The following KBTBD11 variants were observed in gnomAD, a reference collection of about 807,000 sequenced individuals.
KBTBD11 encodes the protein kelch repeat and BTB domain-containing protein 11.
For missense variants in KBTBD11, 1,390 were observed against 1,001.8 expected (o/e 1.39, Z -5.23); for synonymous variants, 747 against 499.0 (o/e 1.50, Z -6.63).
Position 1,973,697 on chromosome 8 carries a change from G to C in KBTBD11, c.-1147G>C. 1.0e-6 allele frequency: 1 copy of C among 983,646 alleles called. No homozygotes were observed. The highest frequency in any genetic ancestry group is 1.2e-6 in the Non-Finnish European group (1 of 829,242). 60.9% of individuals were successfully genotyped at this position (983,646 alleles called of 1,614,324 possible). On this transcript the variant is annotated 5_prime_UTR_variant, in exon 1 of 2. Transcript: ENST00000320248. ...TCCCCGCGCCCCGCGCGCGCCCCTC[G>C]CAGCCTGGAGCCGGAGCGCTGGCTC...
At chr8:1,992,429 G>T (rs114831777) in intron 1 of KBTBD11, among the ~76,000 whole-genome samples, 31 of 149,058 alleles carry the variant, frequency 2.1e-4, no homozygotes, top group African/African-American at 7.7e-4. Context: ...GGAGAGGGGA[G>T]CGAGCTCGGT....
In KBTBD11 at chr8:2,001,405, G is replaced by A. The variant is rs1257533177; in HGVS notation, c.213G>A (p.Pro71=). 3 of 1,408,218 alleles carry A rather than the reference G, an allele frequency of 2.1e-6. No homozygotes were observed. Among genetic ancestry groups the A allele is most frequent in the Non-Finnish European group, 2.8e-6 (3 of 1,085,228 alleles). 87.2% of individuals were successfully genotyped at this position (1,408,218 alleles called of 1,614,324 possible). Residue 71 remains proline (P), a synonymous_variant, in exon 2 of 2, where the codon CCG becomes CCA. Coordinates refer to ENST00000320248, the MANE Select transcript of KBTBD11 (RefSeq NM_014867.3). ...AATSPPSSGG[P]RVVERQWEAG... ...CCTCCCCGCCCTCCAGCGGTGGCCC[G>A]CGGGTGGTGGAGCGGCAGTGGGAGG...
chr8:2,000,876 G>GCGGT lies in KBTBD11; in HGVS notation c.-315_-312dup, dbSNP rs1563377852. The GCGGT allele has an allele frequency of 3.2e-6, 1 of 310,926 alleles. No individual in the cohort carries two copies. Among genetic ancestry groups the GCGGT allele is most frequent in the East Asian group, 4.9e-5 (1 of 20,402 alleles). The allele number at this position is 310,926 out of a possible 1,614,324, so 19.3% of individuals were successfully genotyped here. The stretch of plus-strand genomic sequence containing the variant: ...CAGTCATTGCTGGATGTTGGCTGAC[G>GCGGT]CGGTCCTGGCGCCAGCTGGAGATCC... On this transcript the variant is annotated 5_prime_UTR_variant, in exon 2 of 2. The change creates a premature stop within an existing upstream ORF in the 5' untranslated region. Coordinates refer to ENST00000320248, the MANE Select transcript of KBTBD11 (RefSeq NM_014867.3).
chr8:2,001,917 C>A lies in KBTBD11; in HGVS notation c.725C>A (p.Ala242Glu). The A allele has an allele frequency of 6.9e-7, 1 of 1,457,164 alleles. No homozygotes were observed. The highest frequency in any genetic ancestry group is 1.2e-5 in the South Asian group (1 of 81,688). 90.3% of individuals were successfully genotyped at this position (1,457,164 alleles called of 1,614,324 possible). ...GCCAACTGCTACGAGGTCCTGAGCG[C>A]GGCCAAGCGGCAGCGGCTGAACGAG... ...SLANCYEVLSAAKRQRLNELR... is the reference protein window; with the variant it reads ...SLANCYEVLSEAKRQRLNELR... The change falls in exon 2 of 2, where the codon GCG (alanine) becomes GAG (glutamate). Residue 242 changes from alanine (A) to glutamate (E), a missense_variant. Coordinates refer to ENST00000320248, the MANE Select transcript of KBTBD11 (RefSeq NM_014867.3).
rs183012611 is a variant in KBTBD11, at chr8:1,980,610, G to A, written c.-909+6675G>A. ...GCAGCTTCCGTGGGGGATGCCACGT[G>A]CTTCTGCATCGGGCTGTGGCATGGC... is the stretch of plus-strand genomic sequence containing the variant. On this transcript the variant is annotated intron_variant, in intron 1 of 1. Transcript: ENST00000320248. Among the ~76,000 whole-genome samples, 3 of 152,362 alleles carry A rather than the reference G, an allele frequency of 2.0e-5. No individual in the cohort carries two copies. The East Asian group carries it at 5.8e-4, about 29-fold the overall frequency.
chr8:1,987,021 A>AAC (rs1209840582), intron 1 of KBTBD11, among the ~76,000 whole-genome samples: 1,918 of 120,874 alleles, frequency 0.016, 74 homozygotes, highest in African/African-American at 0.049. Flanking sequence ...AAAAAAAAAA[A>AAC]AAAAAAAAAA....
At chr8:1,993,958 C>CACACAAAAAAAA (rs1554527404) in intron 1 of KBTBD11, among the ~76,000 whole-genome samples, 141 of 148,232 alleles carry the variant, frequency 9.5e-4, no homozygotes, top group South Asian at 6.0e-3. Flanking sequence ...CACACACACA[C>CACACAAAAAAAA]AAAACCCCAT....
intron 1 of KBTBD11, among the ~76,000 whole-genome samples, chr8:1,986,424 A>G (rs577901590): frequency 2.0e-5 from 3 of 152,342 alleles, no homozygotes; most frequent in Admixed American, 2.0e-4. Context: ...CCATGAGATT[A>G]TTAGAAAAGG....
chr8:2,001,449 C>G lies in KBTBD11; in HGVS notation c.257C>G (p.Ala86Gly), dbSNP rs1585760184. 3 of 1,357,106 alleles carry G rather than the reference C, an allele frequency of 2.2e-6. No homozygotes were observed. Among genetic ancestry groups the G allele is most frequent in the East Asian group, 3.1e-5 (1 of 32,488 alleles). The allele number at this position is 1,357,106 out of a possible 1,614,324, so 84.1% of individuals were successfully genotyped here. Residue 86 changes from alanine to glycine, a missense_variant, in exon 2 of 2, where the codon GCG becomes GGG. Transcript: ENST00000320248. Reference sequence around the variant, plus strand: ...TGGGAGGCCGGCAGCGCGGGCGCCGCGTCCCCGGAGGAGCTCGCGTCCCCT... The same window carrying G: ...TGGGAGGCCGGCAGCGCGGGCGCCGGGTCCCCGGAGGAGCTCGCGTCCCCT... ...RQWEAGSAGA[A>G]SPEELASPEE...
Position 2,002,466 on chromosome 8 carries a change from T to G in KBTBD11, c.1274T>G (p.Val425Gly). 6.6e-7 allele frequency: 1 copy of G among 1,512,152 alleles called. No individual in the cohort carries two copies. The highest frequency in any genetic ancestry group is 1.2e-5 in the South Asian group (1 of 81,896). 93.7% of individuals were successfully genotyped at this position (1,512,152 alleles called of 1,614,324 possible). The change falls in exon 2 of 2, where the codon GTG becomes GGG. Residue 425 changes from valine (V) to glycine (G), a missense_variant. Physicochemically the swap from Val to Gly is moderately radical, Grantham distance 109 (BLOSUM62 -3). Transcript: ENST00000320248. The surrounding 1 kb of genome is among the most constrained non-coding windows in gnomAD (Gnocchi z 4.1). ...GTGGGCGGCGAGTGCCTGCTCAGCG[T>G]GGAGCGCTACGACCCGCGCGCCGAC... is the stretch of plus-strand genomic sequence containing the variant. Reference protein sequence around the residue: ...YAVGGECLLSVERYDPRADRW... With the variant: ...YAVGGECLLSGERYDPRADRW...
In KBTBD11 at chr8:2,002,716, C is replaced by A; in HGVS notation, c.1524C>A (p.Ser508Arg). ...GCTTCATCTACCGCTTCGATCTGAG[C>A]GGCAGCCGCGGCGAGGCGCAGGCGG... ...LDGFIYRFDL[S>R]GSRGEAQAAG... is the part of the protein sequence containing the mutation. The change falls in exon 2 of 2, where the codon AGC becomes AGA. Residue 508 changes from serine (S) to arginine (R), a missense_variant. Physicochemically the swap from Ser to Arg is moderately radical, Grantham distance 110. Coordinates refer to ENST00000320248, the MANE Select transcript of KBTBD11 (RefSeq NM_014867.3). The surrounding 1 kb of genome is among the most constrained non-coding windows in gnomAD (Gnocchi z 4.1). The A allele has an allele frequency of 6.6e-7, 1 of 1,515,998 alleles. No homozygotes were observed. 93.9% of individuals were successfully genotyped at this position (1,515,998 alleles called of 1,614,324 possible). A position where few individuals can be genotyped will look rare whatever the true frequency, so the allele number is the denominator to read the frequency against.
Position 2,004,292 on chromosome 8 carries a change from G to C in KBTBD11, c.*1228G>C, listed in dbSNP as rs529161429. The C allele has an allele frequency of 6.0e-6, 1 of 166,922 alleles. No homozygotes were observed. The highest frequency in any genetic ancestry group is 2.4e-5 in the African/African-American group (1 of 41,540). The allele number at this position is 166,922 out of a possible 1,614,324, so 10.3% of individuals were successfully genotyped here. ...GGATTAAAAACAAATCAGTTGGGTC[G>C]TTTCTCATTTAACATTTTACTTTTC... On this transcript the variant is annotated 3_prime_UTR_variant, in exon 2 of 2. Coordinates refer to ENST00000320248, the MANE Select transcript of KBTBD11 (RefSeq NM_014867.3).
chr8:1,992,112 G>A (rs954412183), intron 1 of KBTBD11, among the ~76,000 whole-genome samples: 1 of 152,066 alleles, frequency 6.6e-6, no homozygotes, highest in Non-Finnish European at 1.5e-5. Flanking sequence ...ACGCACTCCT[G>A]GACTCTGGCC....
chr8:1,984,482 T>C (rs896318359), intron 1 of KBTBD11, among the ~76,000 whole-genome samples: 2 of 151,382 alleles, frequency 1.3e-5, no homozygotes, highest in African/African-American at 4.9e-5. Context: ...AGAGACGGGG[T>C]TTTACCGTGT....
At chr8:1,986,998 C>G (rs1463800073) in intron 1 of KBTBD11, among the ~76,000 whole-genome samples, 1 of 126,366 alleles carries the variant, frequency 7.9e-6, no homozygotes, top group Non-Finnish European at 1.6e-5. Context: ...TAGTGAGACC[C>G]TATCTCTCCA....
In KBTBD11 at chr8:2,005,990, C is replaced by T. The variant is rs186992657; in HGVS notation, c.*2926C>T. 126 of 167,212 alleles carry T rather than the reference C, an allele frequency of 7.5e-4. No individual in the cohort carries two copies. The highest frequency in any genetic ancestry group is 3.4e-3 in the Middle Eastern group (1 of 296). 10.4% of individuals were successfully genotyped at this position (167,212 alleles called of 1,614,324 possible). On this transcript the variant is annotated 3_prime_UTR_variant, in exon 2 of 2. Coordinates refer to ENST00000320248, the MANE Select transcript of KBTBD11 (RefSeq NM_014867.3). The stretch of plus-strand genomic sequence containing the variant: ...TCCTCTTGGGAACATCCCTCCACTC[C>T]GCACTGCTTCCTGCAGCTTTGTAGA...
At chr8:1,996,169 T>C (rs1817128841) in intron 1 of KBTBD11, among the ~76,000 whole-genome samples, 1 of 152,242 alleles carries the variant, frequency 6.6e-6, no homozygotes, top group Admixed American at 6.5e-5. Flanking sequence ...CTGGTGCTGA[T>C]GGAGGCCATG....
chr8:1,999,071 T>C (rs575408951), intron 1 of KBTBD11, among the ~76,000 whole-genome samples: 1 of 152,294 alleles, frequency 6.6e-6, no homozygotes, highest in South Asian at 2.1e-4. Flanking sequence ...TTCTTAATAT[T>C]ACATTCCCCA....
At chr8:1,980,246 G>C (rs866739145) in intron 1 of KBTBD11, among the ~76,000 whole-genome samples, 19 of 25,720 alleles carry the variant, frequency 7.4e-4, no homozygotes, top group African/African-American at 2.5e-3. Context: ...TTTTTTTTTT[G>C]AGATGGGGTC....
Sources: gnomAD v4.1 joint callset for allele counts (sites outside exome capture counted in the v4.1 genomes callset) on GRCh38, gnomAD v4.1.1 for gene constraint, Gnocchi (gnomAD v3.1) non-coding constraint, MANE v1.5 for transcripts, NCBI Gene and HGNC (gene_info 2026-07-23, HGNC 2026-07-21) for gene names.